The following SFXN5 variants were observed in gnomAD, a reference collection of about 807,000 sequenced individuals.
SFXN5 encodes the protein sideroflexin-5.
Under a neutral mutation model 50.2 loss-of-function variants are expected in SFXN5, and 43 were observed. The ratio of observed to expected loss-of-function variants is 0.86; its 90% confidence interval spans 0.67 to 1.11. The LOEUF (loss-of-function observed/expected upper bound fraction) is 1.11, where lower values mean the gene tolerates loss of function less well. Among genes scored for constraint, SFXN5 ranks in the 50% least tolerant of loss-of-function variants. The pLI is 0.00. For synonymous variants in SFXN5, 203 were observed against 185.8 expected (o/e 1.09, Z -0.75); for missense variants, 463 against 454.1 (o/e 1.02, Z -0.18).
rs1040705384 is a variant in SFXN5, at chr2:72,973,126, CAG to C, written c.626-1443_626-1442del. 2.0e-5 allele frequency: 3 copies of C among 152,240 alleles called. No homozygotes were observed. Among genetic ancestry groups the C allele is most frequent in the East Asian group, 1.9e-4 (1 of 5,192 alleles). 9.4% of individuals were successfully genotyped at this position (152,240 alleles called of 1,614,324 possible). On this transcript the variant is annotated intron_variant, in intron 10 of 13. Transcript: ENST00000272433. This position sits in a 1 kb window ranked among gnomAD's most constrained non-coding sequence, Gnocchi z 5.5. ...CATTAAAATGGGGAGGTGGAATAAACAGGGGAAGACCGAGAGACTCTGCAGTC... is the reference window on the plus strand; with the variant it reads ...CATTAAAATGGGGAGGTGGAATAAACGGGAAGACCGAGAGACTCTGCAGTC...
chr2:73,056,103 A>G (rs1374841035), intron 2 of SFXN5, among the ~76,000 whole-genome samples: 1 of 152,214 alleles, frequency 6.6e-6, no homozygotes, highest in Non-Finnish European at 1.5e-5. Flanking sequence ...ATGCCACTGC[A>G]CTCCAGCCTG....
chr2:73,010,005 A>G (rs1675292865), intron 6 of SFXN5, among the ~76,000 whole-genome samples: 1 of 152,228 alleles, frequency 6.6e-6, no homozygotes, highest in Admixed American at 6.5e-5. Flanking sequence ...AATGAGCCCC[A>G]CATTCAACTT....
chr2:72,951,140 GCTGCCAGGATCACC>G (rs1672490464), intron 13 of SFXN5, among the ~76,000 whole-genome samples: 1 of 152,166 alleles, frequency 6.6e-6, no homozygotes, highest in Non-Finnish European at 1.5e-5. Flanking sequence ...ACAGAAGTGG[GCTGCCAGGATCACC>G]CTGCCCTGCC....
chr2:73,050,656 T>C (rs1474329797), intron 2 of SFXN5, among the ~76,000 whole-genome samples: 1 of 152,230 alleles, frequency 6.6e-6, no homozygotes, highest in Non-Finnish European at 1.5e-5. Flanking sequence ...GGGTCTGTGA[T>C]GGATGTGGCA....
In SFXN5 at chr2:73,023,205, C is replaced by T. The variant is rs1266666913; in HGVS notation, c.259G>A (p.Ala87Thr). 1.9e-6 allele frequency: 3 copies of T among 1,603,226 alleles called. No homozygotes were observed. The highest frequency in any genetic ancestry group is 1.7e-5 in the Admixed American group (1 of 59,010). ...TGGATTACCTGCTTGATTTTCTGTG[C>T]ACTCCAGAGCTGGAAGAGAGATAAA... ...PGVTNEQLWS[A>T]QKIKQAILHP... is the part of the protein sequence containing the mutation. The change falls in exon 4 of 14, where the codon GCA (alanine) becomes ACA (threonine). Residue 87 changes from alanine (A) to threonine (T), a missense_variant. By Grantham distance (58) the Ala-to-Thr change is moderately conservative. Transcript: ENST00000272433.
At chr2:73,004,591 G>GA (rs1408610572) in intron 6 of SFXN5, among the ~76,000 whole-genome samples, 4 of 152,098 alleles carry the variant, frequency 2.6e-5, no homozygotes, top group African/African-American at 9.7e-5. Context: ...AGGGACAGCC[G>GA]AGACAGCAGA....
chr2:72,947,818 A>ACCCCCCCCCCCCCCCCCCCCCCCCCCCC (rs1553504473), intron 13 of SFXN5, among the ~76,000 whole-genome samples: 1 of 114,480 alleles, frequency 8.7e-6, no homozygotes, highest in Non-Finnish European at 1.9e-5. Context: ...ACCTTCTCCC[A>ACCCCCCCCCCCCCCCCCCCCCCCCCCCC]CCCCACCCCT....
chr2:73,030,907 C>T (rs1326708612), intron 3 of SFXN5, among the ~76,000 whole-genome samples: 2 of 152,128 alleles, frequency 1.3e-5, no homozygotes, highest in African/African-American at 2.4e-5. Context: ...AAGTGGGCAA[C>T]TGGGGGAGAG....
intron 1 of SFXN5, chr2:73,071,367 C>G (rs1378046405): frequency 2.5e-5 from 13 of 515,004 alleles, no homozygotes; most frequent in Non-Finnish European, 3.8e-5. Context: ...CTAGAGGGCG[C>G]GGGCAGTCGG....
At chr2:72,994,255 A>G (rs182719824) in intron 9 of SFXN5, among the ~76,000 whole-genome samples, 1 of 152,320 alleles carries the variant, frequency 6.6e-6, no homozygotes, top group Non-Finnish European at 1.5e-5. Flanking sequence ...GGCACTCCAG[A>G]AGTGCTAGCC....
chr2:72,963,950 C>G (rs774112605), intron 12 of SFXN5, among the ~76,000 whole-genome samples: 8 of 152,308 alleles, frequency 5.3e-5, no homozygotes, highest in East Asian at 1.9e-4. Context: ...CTGCACCCCC[C>G]AGAGGCAGCC....
intron 2 of SFXN5, chr2:73,048,980 T>C (rs1312428747): frequency 6.6e-6 from 1 of 152,266 alleles, no homozygotes; most frequent in Non-Finnish European, 1.5e-5. Flanking sequence ...TATTTATTAA[T>C]GATCCTGGAC....
At chr2:72,993,175 G>T (rs1672818284) in intron 9 of SFXN5, among the ~76,000 whole-genome samples, 1 of 152,184 alleles carries the variant, frequency 6.6e-6, no homozygotes, top group African/African-American at 2.4e-5. Flanking sequence ...AGATAATAAT[G>T]TAACCAAGGT....
At chr2:72,968,619 C>T in intron 11 of SFXN5, 86 bp from the exon 12 acceptor site, 1 of 1,259,732 alleles carries the variant, frequency 7.9e-7, no homozygotes, top group East Asian at 2.5e-5. Context: ...GTGTGTGCCA[C>T]CACAACGCAT....
At chr2:73,033,723 C>T (rs1678598978) in intron 3 of SFXN5, among the ~76,000 whole-genome samples, 1 of 152,172 alleles carries the variant, frequency 6.6e-6, no homozygotes, top group South Asian at 2.1e-4. Flanking sequence ...GGGGGCTTTG[C>T]AGGCCAGGTT....
chr2:73,039,547 G>A lies in SFXN5; in HGVS notation c.249+1307C>T, dbSNP rs778058030. ...TATTTCAAGAGTGAGTATGGATGGC[G>A]GAAAGAAGTGTGTTTAGAGGGGTGG... On this transcript the variant is annotated intron_variant, in intron 3 of 13. Transcript: ENST00000272433. Among the ~76,000 whole-genome samples, 15 of 152,218 alleles carry A rather than the reference G, an allele frequency of 9.9e-5. No homozygotes were observed. The Middle Eastern group carries it at 0.01, about 104-fold the overall frequency.
At chr2:72,987,964 T>C (rs1672109787) in intron 10 of SFXN5, among the ~76,000 whole-genome samples, 1 of 152,234 alleles carries the variant, frequency 6.6e-6, no homozygotes, top group African/African-American at 2.4e-5. Context: ...TAGAGGTTAA[T>C]GTAAATCTTT....
chr2:73,067,204 C>G (rs1683241554), intron 1 of SFXN5, among the ~76,000 whole-genome samples: 2 of 152,148 alleles, frequency 1.3e-5, no homozygotes, highest in South Asian at 4.1e-4. Context: ...ATTAGGCAAC[C>G]CAAGTTGAGG....
chr2:73,045,508 C>A (rs1417381893), intron 2 of SFXN5, among the ~76,000 whole-genome samples: 1 of 150,572 alleles, frequency 6.6e-6, no homozygotes, highest in Non-Finnish European at 1.5e-5. Context: ...TTGGGAGCCC[C>A]AGTGGTTATA....
Sources: allele counts gnomAD v4.1 joint callset (sites outside exome capture counted in the v4.1 genomes callset), GRCh38; gene constraint gnomAD v4.1.1; non-coding constraint Gnocchi (gnomAD v3.1); transcripts MANE v1.5; gene names NCBI Gene and HGNC (gene_info 2026-07-23, HGNC 2026-07-21).